The following ACTR5 variants were observed in gnomAD, a reference collection of about 807,000 sequenced individuals.
ACTR5 encodes actin related protein 5, also known as actin-related protein 5.
ACTR5 carries 43 observed loss-of-function variants against 61.2 expected under a neutral mutation model. That is an observed-to-expected ratio of 0.70 (90% confidence interval 0.55 to 0.91). The LOEUF (loss-of-function observed/expected upper bound fraction) is 0.91, where lower values mean the gene tolerates loss of function less well. Among genes scored for constraint, ACTR5 ranks in the 40% least tolerant of loss-of-function variants. The probability of loss-of-function intolerance (pLI) is 0.00; values close to 1 mark genes in which losing one functional copy is unlikely to be tolerated. For synonymous variants in ACTR5, 333 were observed against 310.5 expected, an observed-to-expected ratio of 1.07 and a Z score of -0.76; for missense variants, 798 against 782.2, an observed-to-expected ratio of 1.02 and a Z score of -0.24.
chr20:38,755,500 C>T (rs1212134965), intron 4 of ACTR5, among the ~76,000 whole-genome samples: 1 of 152,054 alleles, frequency 6.6e-6, no homozygotes, highest in South Asian at 2.1e-4. Context: ...ACCCGTGTAT[C>T]TGCTGTCAGG....
chr20:38,767,666 A>T, intron 8 of ACTR5, 70 bp downstream of exon 8: 1 of 1,509,774 alleles, frequency 6.6e-7, no homozygotes, highest in Non-Finnish European at 9.0e-7. Context: ...AAAAGTAATA[A>T]TCATGCAGAA....
intron 5 of ACTR5, among the ~76,000 whole-genome samples, chr20:38,764,523 A>G (rs1047714821): frequency 4.6e-5 from 7 of 152,258 alleles, no homozygotes; most frequent in Middle Eastern, 6.8e-3. Flanking sequence ...GACCCCTTCC[A>G]GGTTCATTGT....
At chr20:38,754,872 A>AG (rs2084410090) in intron 3 of ACTR5, 85 bp from the exon 4 acceptor site, 2 of 1,388,642 alleles carry the variant, frequency 1.4e-6, no homozygotes, top group African/African-American at 2.8e-5. Flanking sequence ...TACAGGCGTG[A>AG]GCCCCTGCGC....
intron 5 of ACTR5, among the ~76,000 whole-genome samples, chr20:38,763,101 T>C (rs2084464462): frequency 6.6e-6 from 1 of 152,230 alleles, no homozygotes; most frequent in East Asian, 1.9e-4. Flanking sequence ...ACCTTTAATA[T>C]ACCTTTGGTT....
chr20:38,754,737 C>T (rs192844562), intron 3 of ACTR5, among the ~76,000 whole-genome samples: 246 of 151,900 alleles, frequency 1.6e-3, no homozygotes, highest in East Asian at 5.7e-3. Context: ...CACAGGTGCC[C>T]GCCACCACGC....
At position 38,771,973 on chromosome 20, in the gene ACTR5, C is replaced by G; in HGVS notation, c.*157C>G. On this transcript the variant is annotated 3_prime_UTR_variant, in exon 9 of 9. Coordinates refer to ENST00000243903, the MANE Select transcript of ACTR5 (RefSeq NM_024855.4). ...CTGGGGAGAACAAAGTTAAGGGACA[C>G]TGAGACCTGCCCTTCAGAATTCGGT... The G allele has an allele frequency of 9.6e-7, 1 of 1,040,042 alleles. No individual in the cohort carries two copies. Among genetic ancestry groups the G allele is most frequent in the Non-Finnish European group, 1.4e-6 (1 of 738,298 alleles). 64.4% of individuals were successfully genotyped at this position (1,040,042 alleles called of 1,614,324 possible).
At chr20:38,765,617 T>G in intron 6 of ACTR5, 99 bp downstream of exon 6, 4 of 984,102 alleles carry the variant, frequency 4.1e-6, no homozygotes, top group Non-Finnish European at 6.2e-6. Flanking sequence ...TGTTATGTTT[T>G]TTAGAAAATT....
chr20:38,749,979 C>T, intron 1 of ACTR5, 31 bp from the exon 2 acceptor site: 1 of 1,574,152 alleles, frequency 6.4e-7, no homozygotes. Context: ...TCTGTTACCA[C>T]TCATTTATTT....
At chr20:38,759,908 C>T (rs1163938328) in intron 5 of ACTR5, among the ~76,000 whole-genome samples, 1 of 152,088 alleles carries the variant, frequency 6.6e-6, no homozygotes, top group Non-Finnish European at 1.5e-5. Flanking sequence ...TGGCTCACAT[C>T]TGTAATCCCA....
chr20:38,750,084 G>A lies in ACTR5; in HGVS notation c.450G>A (p.Glu150=), dbSNP rs2084377240. Residue 150 remains glutamate (E), a synonymous_variant, in exon 2 of 9, where the codon GAG becomes GAA. Transcript: ENST00000243903. ...NPLYSRQMMS[E]LLFECYGIPK... ...TGTATTCACGGCAAATGATGTCTGA[G>A]CTTCTTTTTGAGTGCTACGGGATTC... The A allele has an allele frequency of 3.7e-6, 6 of 1,614,222 alleles. No individual in the cohort carries two copies. The highest frequency in any genetic ancestry group is 2.2e-5 in the East Asian group (1 of 44,884).
chr20:38,748,523 G>T lies in ACTR5; in HGVS notation c.45G>T (p.Pro15=). The T allele has an allele frequency of 6.6e-7, 1 of 1,504,690 alleles. No homozygotes were observed. The highest frequency in any genetic ancestry group is 8.8e-7 in the Non-Finnish European group (1 of 1,132,254). The allele number at this position is 1,504,690 out of a possible 1,614,324, so 93.2% of individuals were successfully genotyped here. A position where few individuals can be genotyped will look rare whatever the true frequency, so the allele number is the denominator to read the frequency against. Residue 15 remains proline, a synonymous_variant, in exon 1 of 9, where the codon CCG becomes CCT. Transcript: ENST00000243903. The stretch of plus-strand genomic sequence containing the variant: ...CGTTCCGCGACGCCCGTGCCGCACC[G>T]GACCCAGTGCTGGAGGCCGGCCCGG... ...VFPFRDARAA[P]DPVLEAGPVA...
chr20:38,772,022 A>C lies in ACTR5; in HGVS notation c.*206A>C, dbSNP rs902348720. 3.0e-6 allele frequency: 2 copies of C among 667,162 alleles called. No individual in the cohort carries two copies. Among genetic ancestry groups the C allele is most frequent in the Non-Finnish European group, 4.9e-6 (2 of 405,170 alleles). 41.3% of individuals were successfully genotyped at this position (667,162 alleles called of 1,614,324 possible). ...GTTCACTTGGGGGCTTCTGTGGTAG[A>C]GACTAACTGGCCTTCTGATGTCTTT... On this transcript the variant is annotated 3_prime_UTR_variant, in exon 9 of 9. Coordinates refer to ENST00000243903, the MANE Select transcript of ACTR5 (RefSeq NM_024855.4).
intron 3 of ACTR5, 102 bp downstream of exon 3, chr20:38,752,402 C>T (rs770286051): frequency 1.6e-6 from 2 of 1,285,940 alleles, no homozygotes; most frequent in African/African-American, 1.5e-5. Flanking sequence ...TTTTAAGCAC[C>T]TCCTTCCCCT....
chr20:38,770,509 C>A (rs6128946), intron 8 of ACTR5, among the ~76,000 whole-genome samples: 3,733 of 152,024 alleles, frequency 0.025, 86 homozygotes, highest in Admixed American at 0.072. Context: ...TTTTCACTTT[C>A]AAATTATTAT....
intron 2 of ACTR5, 29 bp downstream of exon 2, chr20:38,750,268 G>A (rs769657903): frequency 1.4e-5 from 22 of 1,576,180 alleles, no homozygotes; most frequent in African/African-American, 4.1e-5. Context: ...ATTTGAGTGC[G>A]ATTTTGAGAA....
In ACTR5 at chr20:38,752,301, G is replaced by A; in HGVS notation, c.775+1G>A. On this transcript the variant is annotated splice_donor_variant, in intron 3 of 8. Transcript: ENST00000243903. LOFTEE classifies it high-confidence loss of function. Reference sequence around the variant, plus strand: ...TACATCGCTGAGGATTATGTGGAAGGTATCCAAGAGGATGTTTGCCTGCAG... The same window carrying A: ...TACATCGCTGAGGATTATGTGGAAGATATCCAAGAGGATGTTTGCCTGCAG... 6.3e-7 allele frequency: 1 copy of A among 1,587,822 alleles called. No individual in the cohort carries two copies. The highest frequency in any genetic ancestry group is 1.1e-5 in the South Asian group (1 of 89,526).
chr20:38,765,131 T>C lies in ACTR5; in HGVS notation c.1177-271T>C, dbSNP rs547544227. Among the ~76,000 whole-genome samples, 6 of 152,280 alleles carry C rather than the reference T, an allele frequency of 3.9e-5. No homozygotes were observed. In the South Asian group the frequency reaches 6.2e-4, roughly 16 times the overall value. On this transcript the variant is annotated intron_variant, in intron 5 of 8. Transcript: ENST00000243903. ...TCTTCCACGGGGCCCAGCCATGAGC[T>C]GGCACCATCAGAAGGCTTTAGAGAA...
chr20:38,755,158 G>T lies in ACTR5; in HGVS notation c.977G>T (p.Arg326Leu). 1 of 1,611,468 alleles carries T rather than the reference G, an allele frequency of 6.2e-7. No homozygotes were observed. The highest frequency in any genetic ancestry group is 8.5e-7 in the Non-Finnish European group (1 of 1,178,802). Reference sequence around the variant, plus strand: ...CAGCTGGATCAGGAGCGTCTGGACCGACTGCTATATGTGCAGGTAATAGCA... The same window carrying T: ...CAGCTGGATCAGGAGCGTCTGGACCTACTGCTATATGTGCAGGTAATAGCA... ...KLQLDQERLDRLLYVQELLED... is the reference protein window; with the variant it reads ...KLQLDQERLDLLLYVQELLED... The change falls in exon 4 of 9, where the codon CGA (arginine) becomes CTA (leucine). Residue 326 changes from arginine (R) to leucine (L), a missense_variant. Coordinates refer to ENST00000243903, the MANE Select transcript of ACTR5 (RefSeq NM_024855.4).
In ACTR5 at chr20:38,771,598, G is replaced by A. The variant is rs768920627; in HGVS notation, c.1606G>A (p.Gly536Ser). 7.4e-5 allele frequency: 120 copies of A among 1,614,006 alleles called. No homozygotes were observed. The highest frequency in any genetic ancestry group is 9.4e-5 in the Non-Finnish European group (111 of 1,180,042). The change falls in exon 9 of 9, where the codon GGT becomes AGT. Residue 536 changes from glycine to serine, a missense_variant. Physicochemically the swap from Gly to Ser is moderately conservative, Grantham distance 56. Transcript: ENST00000243903. ...ASNPVLDAWY[G>S]ARDWALNHLD... ...GAACCCTGTGCTGGATGCCTGGTAC[G>A]GTGCTCGTGACTGGGCCTTGAACCA...
Sources: gnomAD v4.1 joint callset for allele counts (sites outside exome capture counted in the v4.1 genomes callset) on GRCh38, gnomAD v4.1.1 for gene constraint, MANE v1.5 for transcripts, NCBI Gene and HGNC (gene_info 2026-07-23, HGNC 2026-07-21) for gene names.